Variants in GLS observed in about 807,000 individuals in gnomAD.
GLS encodes glutaminase.
A neutral mutation model predicts 86.7 loss-of-function variants in GLS; 36 were observed. That is an observed-to-expected ratio of 0.42 (90% CI 0.32 to 0.55). The LOEUF is 0.55. GLS is among the 20% of genes least tolerant of loss of function. The pLI, the probability that GLS is intolerant of heterozygous loss-of-function variation, is 0.17. For synonymous variants in GLS, 317 were observed against 305.9 expected (o/e 1.04, Z -0.38); for missense variants, 528 against 833.4 (o/e 0.63, Z 4.51).
rs1050067635 is a variant in GLS, at chr2:190,951,371, G to A, written c.1651-2194G>A. On this transcript the variant is annotated intron_variant, in intron 14 of 17. Transcript: ENST00000320717. The surrounding 1 kb of genome is among the most constrained non-coding windows in gnomAD (Gnocchi z 4.2). ...AAAAATATACTTTCAGGAAATAAGC[G>A]CTGAAGGGAGAACAATAGGGTCAAG... is the stretch of plus-strand genomic sequence containing the variant. Among the ~76,000 whole-genome samples, 3 of 152,086 alleles carry A rather than the reference G, an allele frequency of 2.0e-5. No homozygotes were observed. Among genetic ancestry groups the A allele is most frequent in the Admixed American group, 2.0e-4 (3 of 15,268 alleles).
chr2:190,901,806 G>GAT, intron 4 of GLS, 141 bp from the exon 5 acceptor site: 1 of 617,262 alleles, frequency 1.6e-6, no homozygotes, highest in East Asian at 2.8e-5. Flanking sequence ...TGTTACAGAA[G>GAT]ATAGACTATG....
At chr2:190,902,990 A>G (rs1174112048) in intron 5 of GLS, among the ~76,000 whole-genome samples, 1 of 152,196 alleles carries the variant, frequency 6.6e-6, no homozygotes, top group Non-Finnish European at 1.5e-5. Context: ...CGTTTAACCT[A>G]GTAATTTTAG....
At chr2:190,881,982 C>T (rs1017228179) in intron 1 of GLS, 2 of 152,676 alleles carry the variant, frequency 1.3e-5, no homozygotes, top group African/African-American at 4.8e-5. Context: ...TGCCATCATC[C>T]GGTTGGAAGC....
Position 190,963,790 on chromosome 2 carries a change from A to G in GLS, c.*804A>G, listed in dbSNP as rs1691059359. On this transcript the variant is annotated 3_prime_UTR_variant, in exon 18 of 18. Transcript: ENST00000320717. Reference sequence around the variant, plus strand: ...AAATGCCTCCTATTTCTGGCATCAGAACTTTGCCATTTGTCTACAGAAGAC... The same window carrying G: ...AAATGCCTCCTATTTCTGGCATCAGGACTTTGCCATTTGTCTACAGAAGAC... The G allele has an allele frequency of 6.6e-6, 1 of 152,350 alleles. No individual in the cohort carries two copies. Among genetic ancestry groups the G allele is most frequent in the Non-Finnish European group, 1.5e-5 (1 of 68,042 alleles). 9.4% of individuals were successfully genotyped at this position (152,350 alleles called of 1,614,324 possible). A position where few individuals can be genotyped will look rare whatever the true frequency, so the allele number is the denominator to read the frequency against.
intron 6 of GLS, among the ~76,000 whole-genome samples, chr2:190,907,898 T>C (rs1689215483): frequency 6.6e-6 from 1 of 152,232 alleles, no homozygotes; most frequent in African/African-American, 2.4e-5. Flanking sequence ...TTGTATTATC[T>C]TACAAGTATG....
rs971850311 is a variant in GLS, at chr2:190,881,010, C to T, written c.-75C>T. The T allele has an allele frequency of 2.0e-6, 3 of 1,464,776 alleles. No homozygotes were observed. The highest frequency in any genetic ancestry group is 2.7e-6 in the Non-Finnish European group (3 of 1,091,490). 90.7% of individuals were successfully genotyped at this position (1,464,776 alleles called of 1,614,324 possible). On this transcript the variant is annotated 5_prime_UTR_variant, in exon 1 of 18. Transcript: ENST00000320717. ...CATCTCACCGCCCCACCACAGACCG[C>T]GTTCCCCGAGGAAACCGGCCGCCCA...
In GLS at chr2:190,927,393, A is replaced by C. The variant is rs1329726277; in HGVS notation, c.1336A>C (p.Arg446=). Residue 446 remains arginine (R), a synonymous_variant, in exon 12 of 18, where the codon AGA becomes CGA. Transcript: ENST00000320717. ...TGGTTTCTGCCCAATTACTGGTGAAAGAGTACTGAGCCCTGAAGCAGTTCG... is the reference window on the plus strand; with the variant it reads ...TGGTTTCTGCCCAATTACTGGTGAACGAGTACTGAGCCCTGAAGCAGTTCG... The part of the protein sequence containing the change: ...NGGFCPITGE[R]VLSPEAVRNT... 1.2e-6 allele frequency: 2 copies of C among 1,613,962 alleles called. No individual in the cohort carries two copies. Among genetic ancestry groups the C allele is most frequent in the South Asian group, 1.1e-5 (1 of 91,076 alleles).
rs1353177395 is a variant in GLS at position 190,962,108 on chromosome 2, A to G, written c.1854-722A>G. Among the ~76,000 whole-genome samples, 3 of 152,220 alleles carry G rather than the reference A, an allele frequency of 2.0e-5. No homozygotes were observed. Among genetic ancestry groups the G allele is most frequent in the Non-Finnish European group, 4.4e-5 (3 of 68,040 alleles). ...TGCAAAAGACTTACCACTTCTGGCA[A>G]GTGATTAACCACTTCTGGCAACTCT... On this transcript the variant is annotated intron_variant, in intron 17 of 17. Transcript: ENST00000320717. The surrounding 1 kb of genome is among the most constrained non-coding windows in gnomAD (Gnocchi z 4.2).
At chr2:190,929,181 G>A (rs1027620817) in intron 12 of GLS, among the ~76,000 whole-genome samples, 1 of 150,492 alleles carries the variant, frequency 6.6e-6, no homozygotes, top group East Asian at 2.0e-4. Context: ...TTTATCATTT[G>A]TCAAGTTTTG....
At chr2:190,922,184 T>TA (rs553791289) in intron 9 of GLS, among the ~76,000 whole-genome samples, 66 of 152,264 alleles carry the variant, frequency 4.3e-4, no homozygotes, top group African/African-American at 1.5e-3. Flanking sequence ...GGGTGTGTTA[T>TA]AAAAAACTTT....
chr2:190,933,921 G>C (rs572269144), intron 14 of GLS: 1 of 914,628 alleles, frequency 1.1e-6, no homozygotes, highest in Admixed American at 6.2e-5. Context: ...CCTTTTATTT[G>C]GTATAAAAAT....
Position 190,963,153 on chromosome 2 carries a change from G to GA in GLS, c.*173dup. On this transcript the variant is annotated 3_prime_UTR_variant, in exon 18 of 18. Coordinates refer to ENST00000320717, the MANE Select transcript of GLS (RefSeq NM_014905.5). ...CACAGGACAAATCTGATCTCTTTGG[G>GA]AAAAAATAGAAATAAAACAATCTCC... 1 of 478,116 alleles carries GA rather than the reference G, an allele frequency of 2.1e-6. No homozygotes were observed. The allele number at this position is 478,116 out of a possible 1,614,324, so 29.6% of individuals were successfully genotyped here.
At chr2:190,894,951 AT>A (rs3217036) in intron 1 of GLS, among the ~76,000 whole-genome samples, 200 bp from the exon 2 acceptor site, 67,433 of 151,728 alleles carry the variant, frequency 0.44, 18,644 homozygotes, top group Non-Finnish European at 0.62. Flanking sequence ...TGTGTTAATG[AT>A]TTTTTTTCTA....
At chr2:190,909,975 C>CT (rs1403708040) in intron 6 of GLS, among the ~76,000 whole-genome samples, 3 of 152,036 alleles carry the variant, frequency 2.0e-5, no homozygotes. Flanking sequence ...GAGGTCAAGG[C>CT]TTCAGTGAGC....
chr2:190,882,520 C>T (rs1688238352), intron 1 of GLS, among the ~76,000 whole-genome samples: 2 of 152,166 alleles, frequency 1.3e-5, no homozygotes, highest in Admixed American at 6.5e-5. Context: ...ACCTGTTTTG[C>T]TTCCCTTTTA....
chr2:190,913,235 A>G lies in GLS; in HGVS notation c.1038+2914A>G, dbSNP rs775156867. 1 of 1,303,500 alleles carries G rather than the reference A, an allele frequency of 7.7e-7. No individual in the cohort carries two copies. Among genetic ancestry groups the G allele is most frequent in the Non-Finnish European group, 1.0e-6 (1 of 988,436 alleles). The allele number at this position is 1,303,500 out of a possible 1,614,324, so 80.7% of individuals were successfully genotyped here. A position where few individuals can be genotyped will look rare whatever the true frequency, so the allele number is the denominator to read the frequency against. On this transcript the variant is annotated intron_variant, in intron 7 of 17. Coordinates refer to ENST00000320717, the MANE Select transcript of GLS (RefSeq NM_014905.5). This position sits in a 1 kb window ranked among gnomAD's most constrained non-coding sequence, Gnocchi z 6.1. Reference sequence around the variant, plus strand: ...AGGAAATGGGGGAAGAGGCAGAGCAAATGTTCAAAAGGATTAGCAGATTGT... The same window carrying G: ...AGGAAATGGGGGAAGAGGCAGAGCAGATGTTCAAAAGGATTAGCAGATTGT...
At chr2:190,940,215 A>C (rs1690386007) in intron 14 of GLS, among the ~76,000 whole-genome samples, 1 of 151,974 alleles carries the variant, frequency 6.6e-6, no homozygotes, top group Non-Finnish European at 1.5e-5. Context: ...AGGTCTATGC[A>C]CAAGATTTAT....
intron 17 of GLS, among the ~76,000 whole-genome samples, chr2:190,960,315 T>C (rs1690967811): frequency 6.6e-6 from 1 of 151,952 alleles, no homozygotes; most frequent in Non-Finnish European, 1.5e-5. Context: ...TGGAGCAAGT[T>C]GATTACTCTT....
intron 13 of GLS, among the ~76,000 whole-genome samples, chr2:190,931,086 T>TA: frequency 6.6e-6 from 1 of 152,208 alleles, no homozygotes; most frequent in East Asian, 1.9e-4. Context: ...TAGTTTTAGT[T>TA]ACATTGATTA....
Sources: allele counts gnomAD v4.1 joint callset (sites outside exome capture counted in the v4.1 genomes callset), GRCh38; gene constraint gnomAD v4.1.1; non-coding constraint Gnocchi (gnomAD v3.1); transcripts MANE v1.5; gene names NCBI Gene and HGNC (gene_info 2026-07-23, HGNC 2026-07-21).